Variants in KCNN2 observed in about 807,000 individuals in gnomAD.
KCNN2 encodes the protein small conductance calcium-activated potassium channel protein 2.
KCNN2 carries 24 observed loss-of-function variants against 55.5 expected under a neutral mutation model. The observed-to-expected ratio is 0.43, with a 90% CI of 0.31 to 0.61. KCNN2 has a LOEUF of 0.61. Ranked by LOEUF, KCNN2 falls within the 20% of genes least tolerant of loss-of-function variation. The pLI is 0.08. For synonymous variants in KCNN2, 431 were observed against 336.1 expected, an observed-to-expected ratio of 1.28 and a Z score of -3.09; for missense variants, 754 against 853.6, an observed-to-expected ratio of 0.88 and a Z score of 1.45.
At chr5:114,368,947 C>T (rs929631322) in intron 2 of KCNN2, among the ~76,000 whole-genome samples, 4 of 151,832 alleles carry the variant, frequency 2.6e-5, no homozygotes, top group Admixed American at 6.6e-5. Flanking sequence ...ATCTGAGAGC[C>T]GATAGGCAAA....
At chr5:114,264,987 G>T (rs1755181304) in intron 2 of KCNN2, among the ~76,000 whole-genome samples, 1 of 152,042 alleles carries the variant, frequency 6.6e-6, no homozygotes, top group Non-Finnish European at 1.5e-5. Context: ...TAATTTTTTT[G>T]TTATGTTATA....
At chr5:114,161,647 C>T (rs1237023198) in intron 1 of KCNN2, among the ~76,000 whole-genome samples, 32 of 152,174 alleles carry the variant, frequency 2.1e-4, no homozygotes, top group African/African-American at 3.4e-4. Flanking sequence ...ACCAATCAGA[C>T]GTAGATTTGG....
At chr5:114,294,624 G>A (rs1476351609) in intron 2 of KCNN2, among the ~76,000 whole-genome samples, 6 of 152,088 alleles carry the variant, frequency 3.9e-5, no homozygotes, top group Non-Finnish European at 8.8e-5. Context: ...TATGTGGTCA[G>A]TTTTGGAATA....
upstream of KCNN2, chr5:114,361,184 C>T (rs749110078): frequency 6.6e-6 from 1 of 152,240 alleles, no homozygotes; most frequent in Non-Finnish European, 1.5e-5. Context: ...GCCCTCCGCC[C>T]CCGCCAGGGG....
At position 114,362,613 on chromosome 5, in the gene KCNN2, C is replaced by G; in HGVS notation, c.474C>G (p.His158Gln). The G allele has an allele frequency of 3.2e-6, 3 of 938,408 alleles. No homozygotes were observed. Among genetic ancestry groups the G allele is most frequent in the East Asian group, 2.8e-5 (1 of 35,166 alleles). The allele number at this position is 938,408 out of a possible 1,614,324, so 58.1% of individuals were successfully genotyped here. Residue 158 changes from histidine (H) to glutamine (Q), a missense_variant, in exon 1 of 8, where the codon CAC becomes CAG. Around this residue, in one of 4 missense-constraint regions of KCNN2, gnomAD observed 381 missense variants for 259.1 expected, o/e 1.47. Coordinates refer to ENST00000673685, the MANE Select transcript of KCNN2 (RefSeq NM_021614.4). ...AGTCGGCGTCCGCCTCCCAGTACCA[C>G]CAGTGCCACAGCCTGCAGCCCGCCG... The part of the protein sequence containing the change: ...AQQSASASQY[H>Q]QCHSLQPAAS...
intron 2 of KCNN2, among the ~76,000 whole-genome samples, chr5:114,255,435 G>A (rs988767453): frequency 6.6e-6 from 1 of 152,160 alleles, no homozygotes; most frequent in Non-Finnish European, 1.5e-5. Flanking sequence ...ACAGCATGGG[G>A]TATTCTGGGA....
intron 2 of KCNN2, among the ~76,000 whole-genome samples, chr5:114,371,955 C>T (rs892513371): frequency 6.6e-6 from 1 of 152,138 alleles, no homozygotes; most frequent in Admixed American, 6.6e-5. Flanking sequence ...CCCAGTGACA[C>T]GTAAAATTGT....
intron 1 of KCNN2, among the ~76,000 whole-genome samples, chr5:114,206,625 C>T (rs1187839741): frequency 6.6e-6 from 1 of 152,108 alleles, no homozygotes; most frequent in Non-Finnish European, 1.5e-5. Flanking sequence ...AATAGCTCAC[C>T]AACACTGTGG....
intron 3 of KCNN2, among the ~76,000 whole-genome samples, chr5:114,452,786 A>G (rs1292740253): frequency 6.6e-6 from 1 of 152,224 alleles, no homozygotes; most frequent in Non-Finnish European, 1.5e-5. Flanking sequence ...TGTGAATATC[A>G]GCAACAAGTA....
At chr5:114,090,790 C>A (rs1751126825) in intron 1 of KCNN2, among the ~76,000 whole-genome samples, 1 of 152,034 alleles carries the variant, frequency 6.6e-6, no homozygotes, top group African/African-American at 2.4e-5. Flanking sequence ...TTTCCCTATT[C>A]CTGTTCTTCC....
At chr5:114,063,497 AC>A (rs976174439) in intron 1 of KCNN2, among the ~76,000 whole-genome samples, 2 of 151,464 alleles carry the variant, frequency 1.3e-5, no homozygotes, top group South Asian at 2.1e-4. Context: ...CTAGAGAACC[AC>A]CCCCCCTCCA....
chr5:114,403,739 TTTTG>T (rs1257250429), intron 2 of KCNN2, among the ~76,000 whole-genome samples: 1 of 152,188 alleles, frequency 6.6e-6, no homozygotes, highest in African/African-American at 2.4e-5. Flanking sequence ...TCTTAAAAAA[TTTTG>T]TTTGTTTTCA....
chr5:114,421,951 C>T (rs1402506417), intron 3 of KCNN2, among the ~76,000 whole-genome samples: 2 of 152,146 alleles, frequency 1.3e-5, no homozygotes, highest in Admixed American at 6.6e-5. Context: ...AATTTGGCCA[C>T]CTTGATTCAC....
intron 2 of KCNN2, among the ~76,000 whole-genome samples, chr5:114,244,013 C>G (rs548546439): frequency 9.2e-5 from 14 of 152,100 alleles, no homozygotes; most frequent in Non-Finnish European, 1.5e-4. Flanking sequence ...AAATGTTAAC[C>G]CTAAGAGAAA....
intron 2 of KCNN2, among the ~76,000 whole-genome samples, chr5:114,277,285 C>A (rs1755511453): frequency 6.6e-6 from 1 of 152,130 alleles, no homozygotes; most frequent in South Asian, 2.1e-4. Flanking sequence ...TCCTTCATTT[C>A]AACCTTGGTG....
intron 4 of KCNN2, among the ~76,000 whole-genome samples, chr5:114,465,236 T>C (rs1490568837): frequency 6.6e-6 from 1 of 152,222 alleles, no homozygotes; most frequent in African/African-American, 2.4e-5. Flanking sequence ...CTTCAAAGTC[T>C]CATCAGATAG....
At chr5:114,182,000 G>A (rs1164675312) in intron 1 of KCNN2, among the ~76,000 whole-genome samples, 1 of 138,042 alleles carries the variant, frequency 7.2e-6, no homozygotes, top group Non-Finnish European at 1.5e-5. Context: ...GGCAACAGAG[G>A]GAGAAGCTGT....
chr5:114,365,636 AGCT>A (rs573331546), intron 2 of KCNN2, among the ~76,000 whole-genome samples: 39 of 152,326 alleles, frequency 2.6e-4, no homozygotes, highest in African/African-American at 9.1e-4. Flanking sequence ...TTCCTCTGCG[AGCT>A]GCTGCTACAT....
chr5:114,367,895 T>C (rs1374543109), intron 2 of KCNN2, among the ~76,000 whole-genome samples: 4 of 152,188 alleles, frequency 2.6e-5, no homozygotes, highest in African/African-American at 4.8e-5. Context: ...AGAAAACCCC[T>C]TGGACTAGTG....
Sources: gnomAD v4.1 joint callset for allele counts (sites outside exome capture counted in the v4.1 genomes callset) on GRCh38, gnomAD v4.1.1 for gene constraint, gnomAD v4.1.1 regional missense constraint, MANE v1.5 for transcripts, NCBI Gene and HGNC (gene_info 2026-07-23, HGNC 2026-07-21) for gene names.